The following DUSP22 variants were observed in gnomAD, a reference collection of about 807,000 sequenced individuals.
The protein encoded by DUSP22 is dual specificity protein phosphatase 22.
A neutral mutation model predicts 24.5 loss-of-function variants in DUSP22; 24 were observed. The ratio of observed to expected loss-of-function variants is 0.98; its 90% CI spans 0.71 to 1.38. The LOEUF is 1.38. DUSP22 is among the 40% of genes most tolerant of loss of function. DUSP22 has a pLI of 0.00. For missense variants in DUSP22, 330 were observed against 269.2 expected (o/e 1.23, Z -1.58); for synonymous variants, 160 against 106.4 (o/e 1.50, Z -3.10).
intron 4 of DUSP22, among the ~76,000 whole-genome samples, chr6:342,810 T>G (rs1227787180): frequency 6.6e-6 from 1 of 152,306 alleles, no homozygotes; most frequent in Non-Finnish European, 1.5e-5. Context: ...CCCACAGCCT[T>G]TCCATTGCTT....
intron 4 of DUSP22, chr6:338,007 CTCTCCA>C: frequency 6.6e-6 from 1 of 152,566 alleles, no homozygotes; most frequent in African/African-American, 2.4e-5. Context: ...CCGTGCTGCA[CTCTCCA>C]GTGAAGCTAC....
chr6:317,690 G>A (rs1280381103), intron 3 of DUSP22, among the ~76,000 whole-genome samples: 9 of 152,304 alleles, frequency 5.9e-5, no homozygotes, highest in South Asian at 4.1e-4. Context: ...GGCCCACATC[G>A]GGCTCCTGAG....
At chr6:315,962 C>T (rs1037630313) in intron 3 of DUSP22, among the ~76,000 whole-genome samples, 27 of 152,300 alleles carry the variant, frequency 1.8e-4, no homozygotes, top group African/African-American at 6.5e-4. Flanking sequence ...CCCATAGGAA[C>T]AGAGCCTGTG....
At chr6:323,740 G>C (rs1218541670) in intron 3 of DUSP22, among the ~76,000 whole-genome samples, 4 of 152,308 alleles carry the variant, frequency 2.6e-5, no homozygotes, top group African/African-American at 9.6e-5. Context: ...CCTACTCTTG[G>C]AAATTATTCC....
chr6:345,678 A>C (rs1404976915), intron 4 of DUSP22, among the ~76,000 whole-genome samples, 176 bp from the exon 5 acceptor site: 1 of 152,308 alleles, frequency 6.6e-6, no homozygotes, highest in Non-Finnish European at 1.5e-5. Context: ...TGATTATTAT[A>C]CAATGTATAC....
At chr6:321,481 T>G (rs993250393) in intron 3 of DUSP22, among the ~76,000 whole-genome samples, 1 of 152,298 alleles carries the variant, frequency 6.6e-6, no homozygotes, top group East Asian at 1.9e-4. Flanking sequence ...GAAGTAATCC[T>G]CGTTAGAAGT....
intron 4 of DUSP22, 71 bp downstream of exon 4, chr6:335,234 G>T: frequency 2.5e-6 from 4 of 1,573,360 alleles, no homozygotes; most frequent in South Asian, 1.1e-5. Flanking sequence ...AGTCAGAGAA[G>T]TAGAAGACTG....
At chr6:324,299 G>A (rs1485769177) in intron 3 of DUSP22, among the ~76,000 whole-genome samples, 1 of 152,302 alleles carries the variant, frequency 6.6e-6, no homozygotes, top group African/African-American at 2.4e-5. Context: ...GAGGGTGGAG[G>A]GCTTGGAGGA....
chr6:305,721 T>C (rs1757789155), intron 2 of DUSP22, among the ~76,000 whole-genome samples: 3 of 152,298 alleles, frequency 2.0e-5, no homozygotes, highest in South Asian at 4.1e-4. Context: ...GGTGGGAAGA[T>C]AGAGATGAGG....
chr6:319,575 C>T (rs1019966521), intron 3 of DUSP22, among the ~76,000 whole-genome samples: 5 of 152,414 alleles, frequency 3.3e-5, no homozygotes, highest in East Asian at 1.9e-4. Context: ...CACAGATGCC[C>T]GGGGGATACA....
chr6:297,065 G>A (rs1383049340), intron 1 of DUSP22, among the ~76,000 whole-genome samples: 1 of 152,306 alleles, frequency 6.6e-6, no homozygotes, highest in Non-Finnish European at 1.5e-5. Context: ...TGCTAAGAGG[G>A]GCTGGCTAAC....
chr6:345,763 A>T, intron 4 of DUSP22, 91 bp from the exon 5 acceptor site: 5 of 1,492,074 alleles, frequency 3.4e-6, no homozygotes, highest in Non-Finnish European at 3.7e-6. Context: ...ATCAATTAAC[A>T]TTTTAAGAAA....
At chr6:340,989 C>T (rs1458520702) in intron 4 of DUSP22, among the ~76,000 whole-genome samples, 1 of 152,130 alleles carries the variant, frequency 6.6e-6, no homozygotes, top group Admixed American at 6.5e-5. Flanking sequence ...TGGGCACTGG[C>T]TCTTGGCCTT....
At chr6:314,092 C>T (rs1758227869) in intron 3 of DUSP22, among the ~76,000 whole-genome samples, 1 of 152,306 alleles carries the variant, frequency 6.6e-6, no homozygotes, top group Non-Finnish European at 1.5e-5. Context: ...CTTGTTTTGC[C>T]AGCCCTGATC....
chr6:312,989 G>C (rs1485169754), intron 3 of DUSP22, among the ~76,000 whole-genome samples: 1 of 135,746 alleles, frequency 7.4e-6, no homozygotes, highest in African/African-American at 2.8e-5. Context: ...TTTTGCTAAG[G>C]TGCTGTAATT....
chr6:342,073 G>T (rs989269655), intron 4 of DUSP22, among the ~76,000 whole-genome samples: 2 of 152,310 alleles, frequency 1.3e-5, no homozygotes, highest in African/African-American at 4.8e-5. Flanking sequence ...GGATTCAGTT[G>T]TCATCTTTAC....
At chr6:319,036 G>A (rs933061291) in intron 3 of DUSP22, among the ~76,000 whole-genome samples, 2 of 152,300 alleles carry the variant, frequency 1.3e-5, no homozygotes, top group Non-Finnish European at 2.9e-5. Flanking sequence ...CACAGATAAG[G>A]GTTTGAAAGG....
chr6:293,867 CTTGTA>C (rs1281511024), intron 1 of DUSP22, among the ~76,000 whole-genome samples: 1 of 128,922 alleles, frequency 7.8e-6, no homozygotes, highest in African/African-American at 3.0e-5. Flanking sequence ...TGGATAAATA[CTTGTA>C]TTATATTCCG....
chr6:309,207 G>A (rs1214248126), intron 2 of DUSP22, among the ~76,000 whole-genome samples: 2 of 152,416 alleles, frequency 1.3e-5, no homozygotes, highest in East Asian at 3.9e-4. Flanking sequence ...TCCATAGCAG[G>A]TGGCTTTGAG....
Sources: allele counts gnomAD v4.1 joint callset (sites outside exome capture counted in the v4.1 genomes callset), GRCh38; gene constraint gnomAD v4.1.1; transcripts MANE v1.5; gene names NCBI Gene and HGNC (gene_info 2026-07-23, HGNC 2026-07-21).